The following NUBPL variants were observed in gnomAD, a reference collection of about 807,000 sequenced individuals.
The protein encoded by NUBPL is NUBP iron-sulfur cluster assembly factor, mitochondrial.
Under a neutral mutation model 45.7 loss-of-function variants are expected in NUBPL, and 31 were observed. The ratio of observed to expected loss-of-function variants is 0.68; its 90% CI spans 0.51 to 0.92. NUBPL has a LOEUF of 0.92. Ranked by LOEUF, NUBPL falls within the 40% of genes least tolerant of loss-of-function variation. The pLI is 0.00. For missense variants in NUBPL, 401 were observed against 398.7 expected, an observed-to-expected ratio of 1.01 and a Z score of -0.05; for synonymous variants, 144 against 140.9, an observed-to-expected ratio of 1.02 and a Z score of -0.15.
At chr14:31,681,050 T>G (rs935108981) in intron 6 of NUBPL, among the ~76,000 whole-genome samples, 1 of 152,130 alleles carries the variant, frequency 6.6e-6, no homozygotes, top group South Asian at 2.1e-4. Flanking sequence ...AAGTGTTATA[T>G]GAGAGTTAGC....
chr14:31,851,239 T>TC (rs1449817747), intron 10 of NUBPL, among the ~76,000 whole-genome samples: 5 of 146,924 alleles, frequency 3.4e-5, no homozygotes, highest in Non-Finnish European at 5.9e-5. Flanking sequence ...GTTTTTCTTT[T>TC]TTTTTTTTTT....
chr14:31,729,313 T>TGTA (rs1455422140), intron 6 of NUBPL, among the ~76,000 whole-genome samples: 1 of 122,322 alleles, frequency 8.2e-6, no homozygotes, highest in Non-Finnish European at 1.6e-5. Context: ...TCAACAAATA[T>TGTA]GTATATCTTA....
intron 4 of NUBPL, among the ~76,000 whole-genome samples, chr14:31,630,408 G>A (rs1007355726): frequency 3.3e-5 from 5 of 152,100 alleles, no homozygotes; most frequent in African/African-American, 1.2e-4. Context: ...CAGTCCTGGG[G>A]GATATTGATT....
intron 6 of NUBPL, among the ~76,000 whole-genome samples, chr14:31,704,152 T>C (rs1394696987): frequency 6.6e-6 from 1 of 152,126 alleles, no homozygotes; most frequent in Non-Finnish European, 1.5e-5. Flanking sequence ...AGTATTGGCC[T>C]CTTGCTAGCT....
intron 4 of NUBPL, among the ~76,000 whole-genome samples, chr14:31,635,584 G>C (rs1003331425): frequency 6.6e-6 from 1 of 151,706 alleles, no homozygotes; most frequent in African/African-American, 2.4e-5. Flanking sequence ...CTCTTTTTTG[G>C]TTCCATATGA....
intron 4 of NUBPL, among the ~76,000 whole-genome samples, chr14:31,661,573 G>A (rs944784697): frequency 5.3e-5 from 8 of 152,054 alleles, no homozygotes; most frequent in African/African-American, 1.2e-4. Flanking sequence ...ACGGAGTCTC[G>A]CACTGTCACC....
intron 4 of NUBPL, among the ~76,000 whole-genome samples, chr14:31,603,314 A>G (rs757115376): frequency 2.6e-4 from 39 of 151,156 alleles, no homozygotes; most frequent in Non-Finnish European, 4.7e-4. Context: ...AAAAAAAAAA[A>G]AAAGAAAAAG....
intron 6 of NUBPL, among the ~76,000 whole-genome samples, chr14:31,725,891 G>T (rs1389726991): frequency 6.6e-6 from 1 of 151,656 alleles, no homozygotes; most frequent in Non-Finnish European, 1.5e-5. Context: ...TGTATTTTTA[G>T]TAGTGACGGG....
intron 10 of NUBPL, among the ~76,000 whole-genome samples, chr14:31,857,789 T>G (rs1386503707): frequency 6.6e-6 from 1 of 152,092 alleles, no homozygotes; most frequent in Non-Finnish European, 1.5e-5. Flanking sequence ...ATTGTTCATA[T>G]CAGTATCAGC....
intron 6 of NUBPL, among the ~76,000 whole-genome samples, chr14:31,689,842 A>G (rs1052571864): frequency 6.6e-6 from 1 of 152,064 alleles, no homozygotes; most frequent in Non-Finnish European, 1.5e-5. Flanking sequence ...TTTACATATC[A>G]TATAAAGAAG....
intron 7 of NUBPL, among the ~76,000 whole-genome samples, chr14:31,814,427 G>T (rs985118005): frequency 2.0e-5 from 3 of 152,038 alleles, no homozygotes; most frequent in African/African-American, 7.2e-5. Flanking sequence ...GTACATTCTG[G>T]ATATTAACCC....
intron 4 of NUBPL, among the ~76,000 whole-genome samples, chr14:31,652,917 A>G (rs1422364493): frequency 6.6e-6 from 1 of 152,204 alleles, no homozygotes; most frequent in Non-Finnish European, 1.5e-5. Flanking sequence ...AAAGAGAAAG[A>G]GTAAAAAAAG....
intron 7 of NUBPL, among the ~76,000 whole-genome samples, chr14:31,801,362 G>A (rs1265162286): frequency 1.3e-5 from 2 of 152,050 alleles, no homozygotes; most frequent in Non-Finnish European, 1.5e-5. Flanking sequence ...GGGCACAGAG[G>A]GAGACTACAG....
chr14:31,711,477 C>G (rs1313983491), intron 6 of NUBPL, among the ~76,000 whole-genome samples: 1 of 152,030 alleles, frequency 6.6e-6, no homozygotes, highest in East Asian at 1.9e-4. Context: ...GATAGTCTTA[C>G]TGCTTGGCAA....
At chr14:31,855,711 A>G (rs1384056725) in intron 10 of NUBPL, among the ~76,000 whole-genome samples, 2 of 152,014 alleles carry the variant, frequency 1.3e-5, no homozygotes, top group Non-Finnish European at 2.9e-5. Flanking sequence ...GGGCTCAAGC[A>G]TAGTCTTTAA....
chr14:31,854,920 A>C (rs2040593155), intron 10 of NUBPL, among the ~76,000 whole-genome samples: 1 of 152,262 alleles, frequency 6.6e-6, no homozygotes, highest in Non-Finnish European at 1.5e-5. Flanking sequence ...TGAAACTGTT[A>C]AACTAAGCAC....
At chr14:31,698,789 TC>T (rs2037270034) in intron 6 of NUBPL, among the ~76,000 whole-genome samples, 2 of 152,142 alleles carry the variant, frequency 1.3e-5, no homozygotes, top group Admixed American at 1.3e-4. Context: ...TACTTATTTT[TC>T]GTATTATTAT....
chr14:31,748,388 A>G (rs1323946412), intron 6 of NUBPL, among the ~76,000 whole-genome samples: 1 of 152,086 alleles, frequency 6.6e-6, no homozygotes, highest in Non-Finnish European at 1.5e-5. Flanking sequence ...TTCATTGCTG[A>G]GAATTGGATG....
chr14:31,750,365 T>A (rs1243467797), intron 6 of NUBPL, among the ~76,000 whole-genome samples: 2 of 149,356 alleles, frequency 1.3e-5, no homozygotes, highest in Admixed American at 6.7e-5. Flanking sequence ...TTTTAATTTT[T>A]ATTTTTTTTA....
Sources: allele counts gnomAD v4.1 joint callset (sites outside exome capture counted in the v4.1 genomes callset), GRCh38; gene constraint gnomAD v4.1.1; transcripts MANE v1.5; gene names NCBI Gene and HGNC (gene_info 2026-07-23, HGNC 2026-07-21).